The following TNFRSF21 variants were observed in gnomAD, a reference collection of about 807,000 sequenced individuals.
The protein encoded by TNFRSF21 is TNF receptor superfamily member 21.
In TNFRSF21, 19 loss-of-function variants were observed where a neutral mutation model predicts 45.6. The observed-to-expected ratio is 0.42, with a 90% CI of 0.29 to 0.61. The LOEUF is 0.61. Among genes scored for constraint, TNFRSF21 ranks in the 20% least tolerant of loss-of-function variants. TNFRSF21 has a pLI of 0.23. For missense variants in TNFRSF21, 737 were observed against 851.5 expected (o/e 0.87, Z 1.67); for synonymous variants, 314 against 335.5 (o/e 0.94, Z 0.70).
At chr6:47,295,902 G>A (rs2113868478) in intron 1 of TNFRSF21, among the ~76,000 whole-genome samples, 1 of 152,248 alleles carries the variant, frequency 6.6e-6, no homozygotes, top group East Asian at 1.9e-4. Context: ...GCTGACTGCA[G>A]GACTGGAAGG....
chr6:47,244,686 T>C (rs1764799870), intron 4 of TNFRSF21, among the ~76,000 whole-genome samples: 1 of 152,210 alleles, frequency 6.6e-6, no homozygotes, highest in Non-Finnish European at 1.5e-5. Context: ...CCTGTGAAAG[T>C]CCAACTGTAG....
rs1400000532 is a variant in TNFRSF21, at chr6:47,286,218, C to T, written c.474G>A (p.Lys158=). The T allele has an allele frequency of 6.2e-7, 1 of 1,614,246 alleles. No individual in the cohort carries two copies. The highest frequency in any genetic ancestry group is 1.1e-5 in the South Asian group (1 of 91,082). ...TVCPVGWGVR[K]KGTETEDVRC... is the part of the protein sequence containing the mutation. ...GCACATCCTCAGTCTCTGTCCCTTT[C>T]TTCCGCACACCCCAACCCACAGGAC... The change falls in exon 2 of 6, where the codon AAG becomes AAA. Residue 158 remains lysine (K), a synonymous_variant. Coordinates refer to ENST00000296861, the MANE Select transcript of TNFRSF21 (RefSeq NM_014452.5).
At chr6:47,296,283 C>T (rs938179975) in intron 1 of TNFRSF21, among the ~76,000 whole-genome samples, 2 of 152,158 alleles carry the variant, frequency 1.3e-5, no homozygotes, top group African/African-American at 4.8e-5. Context: ...CATAAAAGCA[C>T]GCATAAACAA....
intron 1 of TNFRSF21, among the ~76,000 whole-genome samples, chr6:47,290,491 T>A (rs1214124259): frequency 6.6e-6 from 1 of 151,956 alleles, no homozygotes; most frequent in Non-Finnish European, 1.5e-5. Context: ...CCAAAAAAGG[T>A]TTTCCTAGCT....
rs147219159 is a variant in TNFRSF21, at chr6:47,232,798, G to A, written c.1935C>T (p.Asp645=). Residue 645 remains aspartate, a synonymous_variant, in exon 6 of 6, where the codon GAC becomes GAT. Transcript: ENST00000296861. ...KSQEASQTLL[D]SVYSHLPDLL is the part of the protein sequence containing the mutation. ...GGTCAGGAAGATGGCTATAAACAGA[G>A]TCCAGGAGGGTCTGGCTGGCTTCCT... 263 of 1,614,138 alleles carry A rather than the reference G, an allele frequency of 1.6e-4. 1 individual carries two copies. Among genetic ancestry groups the A allele is most frequent in the African/African-American group, 1.6e-3 (117 of 75,020 alleles).
intron 3 of TNFRSF21, among the ~76,000 whole-genome samples, chr6:47,276,110 A>G (rs1451052664): frequency 6.6e-6 from 1 of 152,180 alleles, no homozygotes; most frequent in Non-Finnish European, 1.5e-5. Flanking sequence ...CCAGCCTTTT[A>G]GTAGCTGAAT....
intron 3 of TNFRSF21, among the ~76,000 whole-genome samples, chr6:47,260,094 T>C (rs1765050786): frequency 6.6e-6 from 1 of 152,148 alleles, no homozygotes; most frequent in Non-Finnish European, 1.5e-5. Flanking sequence ...CATTTCTGCT[T>C]GGACAAGTGT....
intron 1 of TNFRSF21, among the ~76,000 whole-genome samples, chr6:47,306,493 C>G (rs954640479): frequency 6.6e-6 from 1 of 152,142 alleles, no homozygotes; most frequent in Non-Finnish European, 1.5e-5. Flanking sequence ...GTTCTGGGAG[C>G]TTCCATTTTC....
At chr6:47,233,049 C>G in intron 5 of TNFRSF21, 55 bp from the exon 6 acceptor site, 1 of 1,561,586 alleles carries the variant, frequency 6.4e-7, no homozygotes, top group Non-Finnish European at 8.8e-7. Flanking sequence ...ACTGGCAAGG[C>G]CTGGAGGAAG....
At chr6:47,234,511 G>A (rs1215810425) in intron 5 of TNFRSF21, among the ~76,000 whole-genome samples, 159 bp downstream of exon 5, 1 of 152,142 alleles carries the variant, frequency 6.6e-6, no homozygotes, top group African/African-American at 2.4e-5. Context: ...GGTTACTCTC[G>A]GGCCAGCGTA....
intron 3 of TNFRSF21, among the ~76,000 whole-genome samples, chr6:47,254,924 G>C (rs1047755993): frequency 6.6e-5 from 10 of 152,178 alleles, no homozygotes; most frequent in Non-Finnish European, 1.5e-4. Context: ...TACTGGCCCA[G>C]TATCACAAAG....
chr6:47,267,513 T>C (rs1762352387), intron 3 of TNFRSF21, among the ~76,000 whole-genome samples: 1 of 152,208 alleles, frequency 6.6e-6, no homozygotes. Flanking sequence ...CTGGCCTATG[T>C]GACTCATACA....
At chr6:47,241,530 A>AT (rs1441070674) in intron 4 of TNFRSF21, among the ~76,000 whole-genome samples, 1 of 152,152 alleles carries the variant, frequency 6.6e-6, no homozygotes, top group African/African-American at 2.4e-5. Context: ...AAAAATGCTG[A>AT]TTTCTAAATG....
chr6:47,269,762 T>C (rs1266370499), intron 3 of TNFRSF21, among the ~76,000 whole-genome samples: 1 of 152,194 alleles, frequency 6.6e-6, no homozygotes, highest in Non-Finnish European at 1.5e-5. Context: ...ATATCTCTCA[T>C]AAGCATTTTT....
At chr6:47,274,004 G>A (rs1292633344) in intron 3 of TNFRSF21, among the ~76,000 whole-genome samples, 1 of 152,280 alleles carries the variant, frequency 6.6e-6, no homozygotes, top group East Asian at 1.9e-4. Context: ...ATAACTGGAA[G>A]AATATTCCAT....
intron 3 of TNFRSF21, among the ~76,000 whole-genome samples, chr6:47,263,827 T>A (rs1762285486): frequency 6.6e-6 from 1 of 152,248 alleles, no homozygotes; most frequent in Admixed American, 6.5e-5. Flanking sequence ...TTTCTCTACT[T>A]AGTGGTATAT....
At chr6:47,256,253 G>A (rs192550759) in intron 3 of TNFRSF21, among the ~76,000 whole-genome samples, 1 of 152,312 alleles carries the variant, frequency 6.6e-6, no homozygotes, top group African/African-American at 2.4e-5. Flanking sequence ...GGATGGGCAG[G>A]GTGGCTCACA....
Position 47,289,144 on chromosome 6 carries a change from T to C in TNFRSF21, c.97-2549A>G, listed in dbSNP as rs74690080. Among the ~76,000 whole-genome samples, 1,396 of 152,348 alleles carry C rather than the reference T, an allele frequency of 9.2e-3. 25 individuals carry two copies. Among genetic ancestry groups the C allele is most frequent in the African/African-American group, 0.032 (1,311 of 41,576 alleles). ...TCCTTTATGAAATGCACAAAGTTTATGTGTCAAGGAAATAATGGCTGCCTC... is the reference window on the plus strand; with the variant it reads ...TCCTTTATGAAATGCACAAAGTTTACGTGTCAAGGAAATAATGGCTGCCTC... On this transcript the variant is annotated intron_variant, in intron 1 of 5. Coordinates refer to ENST00000296861, the MANE Select transcript of TNFRSF21 (RefSeq NM_014452.5).
chr6:47,299,489 T>C (rs918646524), intron 1 of TNFRSF21, among the ~76,000 whole-genome samples: 6 of 152,094 alleles, frequency 3.9e-5, no homozygotes, highest in Non-Finnish European at 8.8e-5. Context: ...AGCGAGACTC[T>C]GTCTCAAAAA....
Sources: allele counts gnomAD v4.1 joint callset (sites outside exome capture counted in the v4.1 genomes callset), GRCh38; gene constraint gnomAD v4.1.1; transcripts MANE v1.5; gene names NCBI Gene and HGNC (gene_info 2026-07-23, HGNC 2026-07-21).